Variants in PPFIA2 observed in about 807,000 individuals in gnomAD.
PPFIA2 encodes liprin-alpha-2.
A neutral mutation model predicts 175.5 loss-of-function variants in PPFIA2; 46 were observed. The observed-to-expected ratio is 0.26, with a 90% CI of 0.21 to 0.34. The LOEUF (loss-of-function observed/expected upper bound fraction) is 0.34, where lower values mean the gene tolerates loss of function less well. Among genes scored for constraint, PPFIA2 ranks in the 10% least tolerant of loss-of-function variants. The probability of loss-of-function intolerance (pLI) is 1.00; values close to 1 mark genes in which losing one functional copy is unlikely to be tolerated. For synonymous variants in PPFIA2, 568 were observed against 511.4 expected (o/e 1.11, Z -1.49); for missense variants, 1,179 against 1,506.1 (o/e 0.78, Z 3.60).
intron 11 of PPFIA2, among the ~76,000 whole-genome samples, chr12:81,373,437 G>C (rs1377150865): frequency 6.6e-6 from 1 of 151,870 alleles, no homozygotes; most frequent in East Asian, 1.9e-4. Context: ...CAAATTAAAT[G>C]ATAAATTAAT....
At chr12:81,477,832 G>A (rs1245254391) in intron 4 of PPFIA2, among the ~76,000 whole-genome samples, 5 of 151,804 alleles carry the variant, frequency 3.3e-5, no homozygotes, top group East Asian at 1.9e-4. Context: ...TTTTCGCATT[G>A]ATGTTCATCA....
At chr12:81,751,841 A>G (rs1232437680) in intron 3 of PPFIA2, among the ~76,000 whole-genome samples, 1 of 152,158 alleles carries the variant, frequency 6.6e-6, no homozygotes, top group Admixed American at 6.5e-5. Flanking sequence ...AATATTTTTC[A>G]GTTTTCTCCT....
intron 28 of PPFIA2, among the ~76,000 whole-genome samples, chr12:81,272,375 C>A (rs1272452047): frequency 6.6e-6 from 1 of 151,990 alleles, no homozygotes; most frequent in Non-Finnish European, 1.5e-5. Context: ...TGTTTTATAT[C>A]ATTCGTCCTT....
At chr12:81,543,084 T>C (rs569680614) in intron 4 of PPFIA2, among the ~76,000 whole-genome samples, 2 of 152,286 alleles carry the variant, frequency 1.3e-5, no homozygotes, top group East Asian at 3.9e-4. Context: ...ATCTTCCTTT[T>C]ACTGCTTTTA....
chr12:81,284,937 A>G (rs2042936205), intron 24 of PPFIA2, among the ~76,000 whole-genome samples: 1 of 152,200 alleles, frequency 6.6e-6, no homozygotes, highest in Non-Finnish European at 1.5e-5. Flanking sequence ...TAATTTAATA[A>G]AATGTATTTT....
chr12:81,592,947 G>A lies in PPFIA2; in HGVS notation c.303+83844C>T, dbSNP rs147626880. ...ATTTTTTTGTATTTTTGATAGAGAC[G>A]GGGTTTCTCTGTGTTGCCTAAGCTG... On this transcript the variant is annotated intron_variant, in intron 4 of 32. Coordinates refer to ENST00000549396, the MANE Select transcript of PPFIA2 (RefSeq NM_003625.5). 3.1e-4 allele frequency among the ~76,000 whole-genome samples: 47 copies of A among 151,752 alleles called. 1 individual carries two copies. In the South Asian group the frequency reaches 5.0e-3, roughly 16 times the overall value.
At chr12:81,596,576 A>ATT (rs2059272250) in intron 4 of PPFIA2, among the ~76,000 whole-genome samples, 2 of 152,108 alleles carry the variant, frequency 1.3e-5, no homozygotes, top group African/African-American at 4.8e-5. Flanking sequence ...CTTTACTGAA[A>ATT]GAATTGTAAA....
At chr12:81,719,539 C>A (rs2079063176) in intron 3 of PPFIA2, among the ~76,000 whole-genome samples, 1 of 151,492 alleles carries the variant, frequency 6.6e-6, no homozygotes, top group Non-Finnish European at 1.5e-5. Context: ...CTTCTTCCTC[C>A]TTTTAAATAT....
intron 27 of PPFIA2, among the ~76,000 whole-genome samples, 192 bp from the exon 28 acceptor site, chr12:81,277,606 A>C (rs1316974538): frequency 6.6e-6 from 1 of 152,178 alleles, no homozygotes; most frequent in Non-Finnish European, 1.5e-5. Flanking sequence ...AAATGTTTCG[A>C]AGTAATAGAA....
chr12:81,360,526 T>C (rs143596253), intron 15 of PPFIA2, among the ~76,000 whole-genome samples: 1 of 151,846 alleles, frequency 6.6e-6, no homozygotes, highest in African/African-American at 2.4e-5. Context: ...ATCAAGCCCT[T>C]TGTAGTCACT....
Position 81,266,991 on chromosome 12 carries a change from A to G in PPFIA2, c.3516T>C (p.Asn1172=), listed in dbSNP as rs756675210. Residue 1172 remains asparagine (N), a synonymous_variant, in exon 30 of 33, where the codon AAT becomes AAC. Coordinates refer to ENST00000549396, the MANE Select transcript of PPFIA2 (RefSeq NM_003625.5). ...QARQILEREY[N]NLLALGTERR... is the part of the protein sequence containing the mutation. Reference sequence around the variant, plus strand: ...TTTCAGTTCCCAGGGCCAAGAGGTTATTGTATTCTCTTTCAAGAATCTGCC... The same window carrying G: ...TTTCAGTTCCCAGGGCCAAGAGGTTGTTGTATTCTCTTTCAAGAATCTGCC... 1 of 1,613,100 alleles carries G rather than the reference A, an allele frequency of 6.2e-7. No homozygotes were observed. Among genetic ancestry groups the G allele is most frequent in the Non-Finnish European group, 8.5e-7 (1 of 1,179,402 alleles).
intron 7 of PPFIA2, among the ~76,000 whole-genome samples, chr12:81,415,101 C>T (rs1375716106): frequency 1.5e-5 from 2 of 136,104 alleles, no homozygotes; most frequent in Non-Finnish European, 3.1e-5. Flanking sequence ...TGACACCAAA[C>T]TGTTCCAGTG....
intron 4 of PPFIA2, among the ~76,000 whole-genome samples, chr12:81,583,816 G>A (rs1176742260): frequency 1.3e-5 from 2 of 151,936 alleles, no homozygotes; most frequent in Non-Finnish European, 2.9e-5. Context: ...TCTAGGGAAT[G>A]TCTGCCATGG....
chr12:81,323,277 G>A (rs2054071160), intron 22 of PPFIA2, among the ~76,000 whole-genome samples: 2 of 151,972 alleles, frequency 1.3e-5, no homozygotes, highest in Admixed American at 1.3e-4. Context: ...ATGAATTATG[G>A]GATAGTGAGC....
At chr12:81,445,206 T>TGG (rs536566949) in intron 6 of PPFIA2, among the ~76,000 whole-genome samples, 172 of 20,580 alleles carry the variant, frequency 8.4e-3, no homozygotes, top group South Asian at 0.016. Flanking sequence ...AAGACCAAGG[T>TGG]GGGGGGGGGG....
At position 81,660,315 on chromosome 12, in the gene PPFIA2, T is replaced by G. The variant is rs554234214; in HGVS notation, c.303+16476A>C. ...AAACCTTGAAAAAAGATTAGATGAA[T>G]GGCTAACTAGAATAACCAATGCAGA... On this transcript the variant is annotated intron_variant, in intron 4 of 32. Coordinates refer to ENST00000549396, the MANE Select transcript of PPFIA2 (RefSeq NM_003625.5). Among the ~76,000 whole-genome samples, 66 of 152,192 alleles carry G rather than the reference T, an allele frequency of 4.3e-4. No individual in the cohort carries two copies. The South Asian group carries it at 0.012, about 28-fold the overall frequency.
intron 4 of PPFIA2, among the ~76,000 whole-genome samples, chr12:81,498,099 T>C (rs2060219155): frequency 6.6e-6 from 1 of 152,206 alleles, no homozygotes; most frequent in Non-Finnish European, 1.5e-5. Context: ...CAAGCTGTAG[T>C]CTGTCACAGA....
At chr12:81,676,415 T>C (rs917144492) in intron 4 of PPFIA2, among the ~76,000 whole-genome samples, 13 of 151,984 alleles carry the variant, frequency 8.6e-5, no homozygotes, top group African/African-American at 3.1e-4. Context: ...CCAGAGTCAA[T>C]ACTATTTATC....
chr12:81,709,445 T>C (rs994423891), intron 3 of PPFIA2, among the ~76,000 whole-genome samples: 3 of 152,058 alleles, frequency 2.0e-5, no homozygotes, highest in African/African-American at 7.2e-5. Context: ...TAAACCATTA[T>C]TTAGATAATA....
Sources: allele counts gnomAD v4.1 joint callset (sites outside exome capture counted in the v4.1 genomes callset), GRCh38; gene constraint gnomAD v4.1.1; transcripts MANE v1.5; gene names NCBI Gene and HGNC (gene_info 2026-07-23, HGNC 2026-07-21).